CYYR1: variants seen among roughly 807,000 people sequenced by gnomAD.
CYYR1 encodes the protein cysteine and tyrosine rich 1.
In CYYR1, 14 loss-of-function variants were observed where a neutral mutation model predicts 15.2. That is an observed-to-expected ratio of 0.92 (90% CI 0.61 to 1.44). CYYR1 has a LOEUF of 1.44. Among genes scored for constraint, CYYR1 ranks in the 40% most tolerant of loss-of-function variants. The pLI is 0.00. For missense variants in CYYR1, 228 were observed against 209.5 expected (o/e 1.09, Z -0.54); for synonymous variants, 80 against 77.4 (o/e 1.03, Z -0.18).
chr21:26,572,749 G>A (rs1039503756), intron 1 of CYYR1, 119 bp downstream of exon 1: 2 of 1,236,654 alleles, frequency 1.6e-6, no homozygotes, highest in African/African-American at 3.2e-5. Flanking sequence ...AGGCAGAAGC[G>A]TCTGCAAAGG....
intron 1 of CYYR1, chr21:26,569,187 T>G (rs1412089249): frequency 1.3e-5 from 2 of 152,042 alleles, no homozygotes; most frequent in African/African-American, 4.8e-5. Context: ...TCATCCCAAG[T>G]GTTCATTAAT....
intron 2 of CYYR1, among the ~76,000 whole-genome samples, chr21:26,513,682 A>C (rs2065681521): frequency 6.6e-6 from 1 of 152,074 alleles, no homozygotes; most frequent in African/African-American, 2.4e-5. Flanking sequence ...AAAGGGGATA[A>C]AGTGGGAGTT....
intron 3 of CYYR1, among the ~76,000 whole-genome samples, chr21:26,469,034 T>C (rs1043044459): frequency 6.6e-6 from 1 of 152,180 alleles, no homozygotes; most frequent in Admixed American, 6.5e-5. Flanking sequence ...ATGTAGAATG[T>C]ATAACATGTA....
chr21:26,572,412 CT>C (rs1569183722), intron 1 of CYYR1, among the ~76,000 whole-genome samples: 1 of 152,168 alleles, frequency 6.6e-6, no homozygotes, highest in Non-Finnish European at 1.5e-5. Flanking sequence ...TTGTGTTTGA[CT>C]TCAGTCCAAT....
intron 2 of CYYR1, among the ~76,000 whole-genome samples, chr21:26,520,137 T>TATATATATATATATATATAC (rs1320265726): frequency 8.5e-5 from 11 of 129,772 alleles, no homozygotes; most frequent in African/African-American, 2.6e-4. Flanking sequence ...TATATATATA[T>TATATATATATATATATATAC]ATATGCAGAA....
chr21:26,547,581 T>A (rs1342768008), intron 2 of CYYR1, among the ~76,000 whole-genome samples: 3 of 152,148 alleles, frequency 2.0e-5, no homozygotes, highest in African/African-American at 7.2e-5. Context: ...TGTACCCCAA[T>A]GTGTGGTGGG....
At chr21:26,545,829 C>T (rs1049431629) in intron 2 of CYYR1, among the ~76,000 whole-genome samples, 4 of 151,762 alleles carry the variant, frequency 2.6e-5, no homozygotes, top group Non-Finnish European at 4.4e-5. Context: ...GTGATCCGCC[C>T]GCCTCGGCCT....
intron 3 of CYYR1, among the ~76,000 whole-genome samples, chr21:26,473,402 A>T (rs1039169951): frequency 1.3e-5 from 2 of 152,152 alleles, no homozygotes; most frequent in African/African-American, 4.8e-5. Flanking sequence ...ACATGCAAAG[A>T]TATAGTATAA....
At chr21:26,504,610 A>G (rs2065530045) in intron 2 of CYYR1, among the ~76,000 whole-genome samples, 1 of 152,224 alleles carries the variant, frequency 6.6e-6, no homozygotes, top group South Asian at 2.1e-4. Flanking sequence ...TACATCATGA[A>G]GAATGAAGTA....
At chr21:26,513,642 C>T (rs1453357763) in intron 2 of CYYR1, among the ~76,000 whole-genome samples, 1 of 152,016 alleles carries the variant, frequency 6.6e-6, no homozygotes, top group Non-Finnish European at 1.5e-5. Flanking sequence ...ATTGACCAGA[C>T]CAAGTTCCAG....
chr21:26,527,303 A>G lies in CYYR1; in HGVS notation c.176+38963T>C, dbSNP rs576547702. Among the ~76,000 whole-genome samples, 5 of 152,336 alleles carry G rather than the reference A, an allele frequency of 3.3e-5. No individual in the cohort carries two copies. In the East Asian group the frequency reaches 9.6e-4, roughly 29 times the overall value. The stretch of plus-strand genomic sequence containing the variant: ...GTTTGGAATTTGGAATTAACCAGGC[A>G]TAATTTCTCAAGTATTATGGCCTCT... On this transcript the variant is annotated intron_variant, in intron 2 of 3. Coordinates refer to ENST00000652641, the MANE Select transcript of CYYR1 (RefSeq NM_001320768.2).
chr21:26,517,770 G>A (rs1235212050), intron 2 of CYYR1, among the ~76,000 whole-genome samples: 1 of 152,116 alleles, frequency 6.6e-6, no homozygotes, highest in Non-Finnish European at 1.5e-5. Context: ...TGCCCAGCCT[G>A]GTCTCGAACT....
intron 2 of CYYR1, among the ~76,000 whole-genome samples, chr21:26,521,631 A>G (rs2065804959): frequency 6.6e-6 from 1 of 152,208 alleles, no homozygotes; most frequent in Admixed American, 6.5e-5. Context: ...TGCTACCTCT[A>G]TTGAACTCTT....
intron 2 of CYYR1, among the ~76,000 whole-genome samples, chr21:26,526,309 G>A (rs546478046): frequency 3.9e-5 from 6 of 152,058 alleles, no homozygotes; most frequent in South Asian, 2.1e-4. Context: ...ATAGCTGGGC[G>A]TGGTGATGGG....
At chr21:26,560,686 T>C (rs564257235) in intron 2 of CYYR1, among the ~76,000 whole-genome samples, 2 of 152,280 alleles carry the variant, frequency 1.3e-5, no homozygotes, top group Admixed American at 1.3e-4. Context: ...ATCTTAGAAT[T>C]ACCCTGCTTT....
Position 26,495,112 on chromosome 21 carries a change from G to A in CYYR1, c.177-14683C>T, listed in dbSNP as rs1038054281. Among the ~76,000 whole-genome samples, 13 of 152,158 alleles carry A rather than the reference G, an allele frequency of 8.5e-5. No homozygotes were observed. The East Asian group carries it at 2.1e-3, about 25-fold the overall frequency. ...TAAGCTGTGTAGACTGGGAGAATTA[G>A]GCAACCTGCAGTTATTCACATAACT... is the stretch of plus-strand genomic sequence containing the variant. On this transcript the variant is annotated intron_variant, in intron 2 of 3. Transcript: ENST00000652641.
intron 2 of CYYR1, among the ~76,000 whole-genome samples, chr21:26,483,854 T>C (rs2065216129): frequency 6.6e-6 from 1 of 152,098 alleles, no homozygotes; most frequent in Non-Finnish European, 1.5e-5. Context: ...GTGCCTCAGT[T>C]TCCTCATTTA....
Position 26,467,748 on chromosome 21 carries a change from CT to C in CYYR1, c.*752del, listed in dbSNP as rs2064985853. ...CAAGCGGCTGTTGAGTCTTTTTGGT[CT>C]TGTTTTAACTCCCTAATTAAATAAA... is the stretch of plus-strand genomic sequence containing the variant. On this transcript the variant is annotated 3_prime_UTR_variant, in exon 4 of 4. Coordinates refer to ENST00000652641, the MANE Select transcript of CYYR1 (RefSeq NM_001320768.2). 6.6e-6 allele frequency: 1 copy of C among 152,016 alleles called. No homozygotes were observed. 9.4% of individuals were successfully genotyped at this position (152,016 alleles called of 1,614,324 possible).
chr21:26,572,878 A>G lies in CYYR1; in HGVS notation c.63T>C (p.Phe21=). 1 of 1,613,972 alleles carries G rather than the reference A, an allele frequency of 6.2e-7. No individual in the cohort carries two copies. The highest frequency in any genetic ancestry group is 1.1e-5 in the South Asian group (1 of 91,074). ...GVLLPKLVLL[F]VYADDCLAQC... is the part of the protein sequence containing the mutation. Reference sequence around the variant, plus strand: ...CCCTCCGTCACTGACCTGCGTAGACAAAGAGCAGGACCAACTTCGGAAGCA... The same window carrying G: ...CCCTCCGTCACTGACCTGCGTAGACGAAGAGCAGGACCAACTTCGGAAGCA... Residue 21 remains phenylalanine (F), a synonymous_variant, in exon 1 of 4, where the codon TTT becomes TTC. Transcript: ENST00000652641.
Sources: allele counts gnomAD v4.1 joint callset (sites outside exome capture counted in the v4.1 genomes callset), GRCh38; gene constraint gnomAD v4.1.1; transcripts MANE v1.5; gene names NCBI Gene and HGNC (gene_info 2026-07-23, HGNC 2026-07-21).